The following TMEM275 variants were observed in gnomAD, a reference collection of about 807,000 sequenced individuals.
TMEM275 encodes the protein transmembrane protein 275.
chr1:46,534,798 C>T (rs952787335), intron 1 of TMEM275, among the ~76,000 whole-genome samples: 5 of 151,964 alleles, frequency 3.3e-5, no homozygotes, highest in African/African-American at 9.7e-5. Context: ...CAGATGGTAC[C>T]GCGGGTCTGA....
chr1:46,532,822 T>A (rs1666683405), exon 2 of TMEM275: 2 of 381,380 alleles, frequency 5.2e-6, no homozygotes, highest in Non-Finnish European at 9.3e-6. Context: ...GTTTGGGAGA[T>A]GGAAAAGATG....
exon 2 of TMEM275, chr1:46,532,993 G>A (rs1666685670): frequency 2.5e-6 from 1 of 396,322 alleles, no homozygotes; most frequent in Non-Finnish European, 4.5e-6. Flanking sequence ...GCCCTGGTCC[G>A]CTAGGGGGCG....
At chr1:46,534,800 C>T (rs1007418149) in intron 1 of TMEM275, among the ~76,000 whole-genome samples, 4 of 151,996 alleles carry the variant, frequency 2.6e-5, no homozygotes, top group African/African-American at 4.8e-5. Context: ...GATGGTACCG[C>T]GGGTCTGAGG....
chr1:46,533,235 G>T lies in TMEM275; in HGVS notation c.293C>A (p.Ala98Glu), dbSNP rs1379652826. The T allele has an allele frequency of 9.1e-6, 3 of 330,528 alleles. No homozygotes were observed. Among genetic ancestry groups the T allele is most frequent in the Non-Finnish European group, 1.6e-5 (3 of 183,938 alleles). 20.5% of individuals were successfully genotyped at this position (330,528 alleles called of 1,614,324 possible). A position where few individuals can be genotyped will look rare whatever the true frequency, so the allele number is the denominator to read the frequency against. ...GCGGCCGCCACCCTGGCCCGGGCCC[G>T]CCGCGGCCGCCGAGCGCCCACGGGG... Residue 98 changes from alanine (A) to glutamate (E), a missense_variant, in exon 2 of 2, where the codon GCG becomes GAG. Transcript: ENST00000634804. This position sits in a 1 kb window ranked among gnomAD's most constrained non-coding sequence, Gnocchi z 4.4.
exon 2 of TMEM275, chr1:46,532,793 C>T: frequency 2.7e-6 from 1 of 376,086 alleles, no homozygotes; most frequent in Non-Finnish European, 4.7e-6. Flanking sequence ...CTGACACCAT[C>T]ACCACATTCT....
At position 46,533,819 on chromosome 1, in the gene TMEM275, G is replaced by A. The variant is rs1328686118; in HGVS notation, c.-123-169C>T. Among the ~76,000 whole-genome samples, 1 of 152,166 alleles carries A rather than the reference G, an allele frequency of 6.6e-6. No homozygotes were observed. The highest frequency in any genetic ancestry group is 1.5e-5 in the Non-Finnish European group (1 of 68,022). On this transcript the variant is annotated intron_variant, in intron 1 of 1. Transcript: ENST00000634804. This position sits in a 1 kb window ranked among gnomAD's most constrained non-coding sequence, Gnocchi z 4.4. ...CATCCCATATGTGAAGAATCGACTT[G>A]TTTCCCCACCTAGTTCCGGGGGTCC...
At position 46,534,603 on chromosome 1, in the gene TMEM275, CAA is replaced by C. The variant is rs2148500892; in HGVS notation, c.-123-955_-123-954del. On this transcript the variant is annotated intron_variant, in intron 1 of 1. Coordinates refer to ENST00000634804, the Ensembl canonical transcript of TMEM275. ...AGAATTCTGGAAATGCATGCAGAAA[CAA>C]GAGTAATAAAATTAGAGTCTAGGGA... is the stretch of plus-strand genomic sequence containing the variant. Among the ~76,000 whole-genome samples the C allele has an allele frequency of 6.6e-6, 1 of 152,258 alleles. No homozygotes were observed. Among genetic ancestry groups the C allele is most frequent in the African/African-American group, 2.4e-5 (1 of 41,532 alleles).
chr1:46,533,524 G>A lies in TMEM275; in HGVS notation c.4C>T (p.Pro2Ser). The stretch of plus-strand genomic sequence containing the variant: ...GGCCCCTCGCTCTTTTCTGCCGGCG[G>A]CATCGGCCTGCGCACGCCAGGCACG... The change falls in exon 2 of 2, where the codon CCG becomes TCG. Residue 2 changes from proline to serine, a missense_variant. Coordinates refer to ENST00000634804, the Ensembl canonical transcript of TMEM275. The surrounding 1 kb of genome is among the most constrained non-coding windows in gnomAD (Gnocchi z 4.4). 2.6e-6 allele frequency: 1 copy of A among 388,588 alleles called. No homozygotes were observed. Among genetic ancestry groups the A allele is most frequent in the East Asian group, 3.7e-5 (1 of 27,250 alleles). 24.1% of individuals were successfully genotyped at this position (388,588 alleles called of 1,614,324 possible).
At chr1:46,532,758 T>C (rs954334503) in exon 2 of TMEM275, 5 of 356,646 alleles carry the variant, frequency 1.4e-5, no homozygotes, top group African/African-American at 2.1e-5. Flanking sequence ...AAGGCTCTGC[T>C]GCTCCCTTCT....
In TMEM275 at chr1:46,533,009, C is replaced by T. The variant is rs1049450459; in HGVS notation, c.519G>A (p.Ala173=). The change falls in exon 2 of 2, where the codon GCG becomes GCA. Residue 173 remains alanine (A), a synonymous_variant. Coordinates refer to ENST00000634804, the Ensembl canonical transcript of TMEM275. This position sits in a 1 kb window ranked among gnomAD's most constrained non-coding sequence, Gnocchi z 4.4. ...CCCTGGTCCGCTAGGGGGCGGCGCG[C>T]GCCCGGGGTGGGTTGAGCTGGACTC... The T allele has an allele frequency of 7.6e-6, 3 of 396,350 alleles. No homozygotes were observed. Among genetic ancestry groups the T allele is most frequent in the African/African-American group, 2.1e-5 (1 of 48,612 alleles). The allele number at this position is 396,350 out of a possible 1,614,324, so 24.6% of individuals were successfully genotyped here. A position where few individuals can be genotyped will look rare whatever the true frequency, so the allele number is the denominator to read the frequency against.
rs980071686 is a variant in TMEM275, at chr1:46,533,335, C to A, written c.193G>T (p.Val65Leu). The stretch of plus-strand genomic sequence containing the variant: ...GCCAGCACCAGCAGCGCCAGCCCCA[C>A]GACGAGCAGCGCGTTGTGCTCGGGC... Residue 65 changes from valine (V) to leucine (L), a missense_variant, in exon 2 of 2, where the codon GTG becomes TTG. Transcript: ENST00000634804. The surrounding 1 kb of genome is among the most constrained non-coding windows in gnomAD (Gnocchi z 4.4). 3.2e-5 allele frequency: 12 copies of A among 373,976 alleles called. No individual in the cohort carries two copies. Among genetic ancestry groups the A allele is most frequent in the African/African-American group, 2.5e-4 (12 of 47,448 alleles). 23.2% of individuals were successfully genotyped at this position (373,976 alleles called of 1,614,324 possible). A position where few individuals can be genotyped will look rare whatever the true frequency, so the allele number is the denominator to read the frequency against.
At chr1:46,535,316 T>G (rs777648680) in intron 1 of TMEM275, among the ~76,000 whole-genome samples, 1 of 152,204 alleles carries the variant, frequency 6.6e-6, no homozygotes, top group Non-Finnish European at 1.5e-5. Flanking sequence ...GCAGCCCTAC[T>G]GAGACTCTAG....
intron 1 of TMEM275, among the ~76,000 whole-genome samples, 50 bp from the exon 3 acceptor site, chr1:46,534,091 A>C (rs1666708178): frequency 6.6e-6 from 1 of 152,130 alleles, no homozygotes; most frequent in Non-Finnish European, 1.5e-5. Context: ...CACTCTCTCA[A>C]GTGGAAGAGG....
chr1:46,532,939 AC>A, exon 2 of TMEM275: 1 of 394,550 alleles, frequency 2.5e-6, no homozygotes, highest in South Asian at 1.3e-4. Context: ...CTTAAATGGC[AC>A]TGAAGGAAGG....
chr1:46,533,401 C>A lies in TMEM275; in HGVS notation c.127G>T (p.Gly43Cys), dbSNP rs1666696306. 2.6e-6 allele frequency: 1 copy of A among 378,516 alleles called. No individual in the cohort carries two copies. The highest frequency in any genetic ancestry group is 4.7e-6 in the Non-Finnish European group (1 of 213,074). The allele number at this position is 378,516 out of a possible 1,614,324, so 23.4% of individuals were successfully genotyped here. A position where few individuals can be genotyped will look rare whatever the true frequency, so the allele number is the denominator to read the frequency against. ...GCGCCTGCCAGCGTCACGTTCACGC[C>A]CGCCAGCAGCGCGCACAGACCGCAG... is the stretch of plus-strand genomic sequence containing the variant. Residue 43 changes from glycine (G) to cysteine (C), a missense_variant, in exon 2 of 2, where the codon GGC (glycine) becomes TGC (cysteine). Gly to Cys is a radical substitution (Grantham distance 159, BLOSUM62 -3). Coordinates refer to ENST00000634804, the Ensembl canonical transcript of TMEM275. The surrounding 1 kb of genome is among the most constrained non-coding windows in gnomAD (Gnocchi z 4.4).
intron 1 of TMEM275, among the ~76,000 whole-genome samples, 61 bp downstream of exon 2, chr1:46,534,394 A>G (rs987855204): frequency 6.6e-6 from 1 of 152,140 alleles, no homozygotes; most frequent in Non-Finnish European, 1.5e-5. Context: ...CTTGGGCTGG[A>G]GCAGATCTAA....
At position 46,533,461 on chromosome 1, in the gene TMEM275, C is replaced by T. The variant is rs975973844; in HGVS notation, c.67G>A (p.Val23Met). The T allele has an allele frequency of 5.4e-5, 21 of 386,256 alleles. No individual in the cohort carries two copies. The Admixed American group carries it at 5.8e-4, about 11-fold the overall frequency. The allele number at this position is 386,256 out of a possible 1,614,324, so 23.9% of individuals were successfully genotyped here. Residue 23 changes from valine to methionine, a missense_variant, in exon 2 of 2, where the codon GTG (valine) becomes ATG (methionine). By Grantham distance (21) the Val-to-Met change is conservative. Coordinates refer to ENST00000634804, the Ensembl canonical transcript of TMEM275. The surrounding 1 kb of genome is among the most constrained non-coding windows in gnomAD (Gnocchi z 4.4). ...AGCGCCGGCGACGGCAGGCCGGGCA[C>T]CCGGCCCCGGGCGCGTTCCGCGGGC... is the stretch of plus-strand genomic sequence containing the variant.
At position 46,533,321 on chromosome 1, in the gene TMEM275, C is replaced by T; in HGVS notation, c.207G>A (p.Leu69=). Residue 69 remains leucine, a synonymous_variant, in exon 2 of 2, where the codon CTG becomes CTA. Transcript: ENST00000634804. This position sits in a 1 kb window ranked among gnomAD's most constrained non-coding sequence, Gnocchi z 4.4. The stretch of plus-strand genomic sequence containing the variant: ...CGAAGAAGCCGAGCGCCAGCACCAG[C>T]AGCGCCAGCCCCACGACGAGCAGCG... 1 of 370,684 alleles carries T rather than the reference C, an allele frequency of 2.7e-6. No individual in the cohort carries two copies. Among genetic ancestry groups the T allele is most frequent in the Non-Finnish European group, 4.8e-6 (1 of 208,292 alleles). 23.0% of individuals were successfully genotyped at this position (370,684 alleles called of 1,614,324 possible). A position where few individuals can be genotyped will look rare whatever the true frequency, so the allele number is the denominator to read the frequency against.
Position 46,533,672 on chromosome 1 carries a change from G to A in TMEM275, c.-123-22C>T. On this transcript the variant is annotated intron_variant, in intron 1 of 1. Coordinates refer to ENST00000634804, the Ensembl canonical transcript of TMEM275. The surrounding 1 kb of genome is among the most constrained non-coding windows in gnomAD (Gnocchi z 4.4). ...GGTCCTGTGGGCACACAGCAAGAGG[G>A]CGGCGTCAGCAGGGTATCTTGACCT... 2.7e-6 allele frequency: 1 copy of A among 369,046 alleles called. No homozygotes were observed. Among genetic ancestry groups the A allele is most frequent in the East Asian group, 3.9e-5 (1 of 25,334 alleles). The allele number at this position is 369,046 out of a possible 1,614,324, so 22.9% of individuals were successfully genotyped here.
Sources: gnomAD v4.1 joint callset for allele counts (sites outside exome capture counted in the v4.1 genomes callset) on GRCh38, gnomAD v4.1.1 for gene constraint, Gnocchi (gnomAD v3.1) non-coding constraint, MANE v1.5 for transcripts, NCBI Gene and HGNC (gene_info 2026-07-23, HGNC 2026-07-21) for gene names.